The following LHPP variants were observed in gnomAD, a reference collection of about 807,000 sequenced individuals.
The protein encoded by LHPP is hLHPP.
Under a neutral mutation model 30.3 loss-of-function variants are expected in LHPP, and 24 were observed. The ratio of observed to expected loss-of-function variants is 0.79; its 90% CI spans 0.57 to 1.11. The LOEUF (loss-of-function observed/expected upper bound fraction) is 1.11. Ranked by LOEUF, LHPP falls within the 50% of genes most tolerant of loss-of-function variation. The probability of loss-of-function intolerance (pLI) is 0.00; values close to 1 mark genes in which losing one functional copy is unlikely to be tolerated. For missense variants in LHPP, 356 were observed against 367.2 expected, an observed-to-expected ratio of 0.97 and a Z score of 0.25; for synonymous variants, 150 against 157.1, an observed-to-expected ratio of 0.95 and a Z score of 0.34.
intron 6 of LHPP, among the ~76,000 whole-genome samples, chr10:124,537,634 A>G (rs1188460188): frequency 2.0e-5 from 3 of 152,206 alleles, no homozygotes; most frequent in Admixed American, 6.5e-5. Flanking sequence ...CAGTCCCCAC[A>G]GGGCACCCAT....
In LHPP at chr10:124,497,008, A is replaced by C. The variant is rs531050111; in HGVS notation, c.515A>C (p.Tyr172Ser). The part of the protein sequence containing the change: ...TSGLMLDVGP[Y>S]MKALEYACGI... ...GGCCTGATGCTGGACGTTGGTCCCT[A>C]CATGAAGGCGCTTGAGGTACCAGCC... The change falls in exon 4 of 7, where the codon TAC becomes TCC. Residue 172 changes from tyrosine (Y) to serine (S), a missense_variant. By Grantham distance (144) the Tyr-to-Ser change is moderately radical. Transcript: ENST00000368842. 1 of 1,614,032 alleles carries C rather than the reference A, an allele frequency of 6.2e-7. No individual in the cohort carries two copies. The highest frequency in any genetic ancestry group is 1.3e-5 in the African/African-American group (1 of 75,056).
chr10:124,463,786 G>A (rs533377837), intron 1 of LHPP, among the ~76,000 whole-genome samples: 23 of 151,294 alleles, frequency 1.5e-4, no homozygotes, highest in Middle Eastern at 3.5e-3. Context: ...AGGATTACAG[G>A]CATGAGCCAC....
chr10:124,467,278 G>C (rs1952577663), intron 1 of LHPP, among the ~76,000 whole-genome samples: 1 of 151,814 alleles, frequency 6.6e-6, no homozygotes, highest in Admixed American at 6.6e-5. Context: ...GAGGTGTTTT[G>C]GAAGCAGGAC....
At position 124,461,851 on chromosome 10, in the gene LHPP, G is replaced by A. The variant is rs1033168236; in HGVS notation, c.-12G>A. On this transcript the variant is annotated 5_prime_UTR_variant, in exon 1 of 7. Transcript: ENST00000368842. ...GGTTGGGACGCGGAGCTGAGGAGCA[G>A]GGCCGGGCGCCATGGCACCGTGGGG... The A allele has an allele frequency of 8.1e-7, 1 of 1,241,658 alleles. No homozygotes were observed. The highest frequency in any genetic ancestry group is 1.0e-6 in the Non-Finnish European group (1 of 989,454). The allele number at this position is 1,241,658 out of a possible 1,614,324, so 76.9% of individuals were successfully genotyped here. A position where few individuals can be genotyped will look rare whatever the true frequency, so the allele number is the denominator to read the frequency against.
At chr10:124,520,030 T>C (rs1012355442) in intron 6 of LHPP, among the ~76,000 whole-genome samples, 1 of 152,068 alleles carries the variant, frequency 6.6e-6, no homozygotes, top group Non-Finnish European at 1.5e-5. Flanking sequence ...AGACGGCGTT[T>C]CACCATGTTA....
chr10:124,535,432 T>A (rs950902064), intron 6 of LHPP, among the ~76,000 whole-genome samples: 1 of 152,212 alleles, frequency 6.6e-6, no homozygotes, highest in African/African-American at 2.4e-5. Context: ...GACATGGTCT[T>A]GCTCTGTCAC....
At chr10:124,503,436 C>A (rs897625296) in intron 5 of LHPP, among the ~76,000 whole-genome samples, 1 of 151,976 alleles carries the variant, frequency 6.6e-6, no homozygotes, top group Non-Finnish European at 1.5e-5. Flanking sequence ...GCCAAAAGAT[C>A]GGACACCCCT....
chr10:124,499,836 C>T (rs1013571056), intron 5 of LHPP, among the ~76,000 whole-genome samples: 27 of 151,790 alleles, frequency 1.8e-4, no homozygotes, highest in Admixed American at 1.8e-3. Context: ...AAAGATGGCC[C>T]AAAGCTGCCA....
chr10:124,461,891 G>C lies in LHPP; in HGVS notation c.29G>C (p.Gly10Ala). ...GCACCGTGGGGCAAGCGGCTGGCTG[G>C]CGTGCGCGGGGTGCTGCTTGACATC... MAPWGKRLA[G>A]VRGVLLDISG... Residue 10 changes from glycine (G) to alanine (A), a missense_variant, in exon 1 of 7, where the codon GGC becomes GCC. Coordinates refer to ENST00000368842, the MANE Select transcript of LHPP (RefSeq NM_022126.4). The C allele has an allele frequency of 8.0e-7, 1 of 1,257,780 alleles. No homozygotes were observed. The highest frequency in any genetic ancestry group is 3.8e-5 in the Admixed American group (1 of 26,206). 77.9% of individuals were successfully genotyped at this position (1,257,780 alleles called of 1,614,324 possible).
intron 6 of LHPP, among the ~76,000 whole-genome samples, chr10:124,603,491 TC>T (rs1332887443): frequency 1.3e-5 from 2 of 151,892 alleles, no homozygotes; most frequent in Non-Finnish European, 2.9e-5. Flanking sequence ...CCTGCTCTGG[TC>T]CCCAGGCCAG....
chr10:124,603,813 C>T (rs142125585), intron 6 of LHPP, among the ~76,000 whole-genome samples: 380 of 152,262 alleles, frequency 2.5e-3, no homozygotes, highest in African/African-American at 8.2e-3. Context: ...TCCAGGTTGA[C>T]TCAGCAGTCC....
chr10:124,500,222 C>T (rs1353982997), intron 5 of LHPP, among the ~76,000 whole-genome samples: 1 of 151,948 alleles, frequency 6.6e-6, no homozygotes, highest in Non-Finnish European at 1.5e-5. Context: ...CCTGTAATCC[C>T]AGCACTTTGG....
chr10:124,569,268 T>G (rs753998137), intron 6 of LHPP, among the ~76,000 whole-genome samples: 5 of 152,160 alleles, frequency 3.3e-5, no homozygotes, highest in Non-Finnish European at 5.9e-5. Context: ...GTGGGGATTT[T>G]TTTCTCTCCC....
rs185999469 is a variant in LHPP, at chr10:124,494,309, C to T, written c.468-2652C>T. 6.0e-4 allele frequency among the ~76,000 whole-genome samples: 91 copies of T among 152,298 alleles called. 3 individuals carry two copies. In the East Asian group the frequency reaches 0.016, roughly 26 times the overall value. ...CCACCCAACCTCTAGCTCCTCCAGC[C>T]GGCCCCAGGGTAGCTGAGGGACAGG... On this transcript the variant is annotated intron_variant, in intron 3 of 6. Coordinates refer to ENST00000368842, the MANE Select transcript of LHPP (RefSeq NM_022126.4).
intron 6 of LHPP, among the ~76,000 whole-genome samples, chr10:124,524,274 CAT>C (rs1491291878): frequency 2.8e-5 from 4 of 143,838 alleles, no homozygotes; most frequent in Non-Finnish European, 4.5e-5. Flanking sequence ...CTTTTGTTTT[CAT>C]TTTTTTTTTT....
chr10:124,522,122 C>T (rs1410470622), intron 6 of LHPP, among the ~76,000 whole-genome samples: 5 of 152,190 alleles, frequency 3.3e-5, no homozygotes, highest in African/African-American at 4.8e-5. Context: ...GCATCATCCC[C>T]GGGCAGGGGT....
In LHPP at chr10:124,465,905, T is replaced by C. The variant is rs1952540895; in HGVS notation, c.125+3918T>C. On this transcript the variant is annotated intron_variant, in intron 1 of 6. Transcript: ENST00000368842. The stretch of plus-strand genomic sequence containing the variant: ...AACTATATCAAGCTGCCCTGTTTCA[T>C]CAATTTGACAAAATTGGCCAAAATC... 2.0e-5 allele frequency among the ~76,000 whole-genome samples: 3 copies of C among 152,210 alleles called. No homozygotes were observed. In the South Asian group the frequency reaches 6.2e-4, roughly 32 times the overall value.
At chr10:124,543,476 G>A (rs1468444373) in intron 6 of LHPP, among the ~76,000 whole-genome samples, 1 of 152,258 alleles carries the variant, frequency 6.6e-6, no homozygotes, top group Non-Finnish European at 1.5e-5. Context: ...AGGTCTGGGA[G>A]CCCCACAAGG....
At chr10:124,497,881 G>A (rs1676297958) in intron 4 of LHPP, among the ~76,000 whole-genome samples, 155 bp from the exon 5 acceptor site, 1 of 152,098 alleles carries the variant, frequency 6.6e-6, no homozygotes, top group South Asian at 2.1e-4. Context: ...GAGTTGTGAG[G>A]CTCCTGCCTG....
Sources: gnomAD v4.1 joint callset for allele counts (sites outside exome capture counted in the v4.1 genomes callset) on GRCh38, gnomAD v4.1.1 for gene constraint, MANE v1.5 for transcripts, NCBI Gene and HGNC (gene_info 2026-07-23, HGNC 2026-07-21) for gene names.